The following DCAF5 variants were observed in gnomAD, a reference collection of about 807,000 sequenced individuals.
DCAF5 encodes the protein DDB1 and CUL4 associated factor 5, also known as DDB1- and CUL4-associated factor 5.
In DCAF5, 9 loss-of-function variants were observed where a neutral mutation model predicts 80.7. That is an observed-to-expected ratio of 0.11 (90% CI 0.07 to 0.19). The LOEUF (loss-of-function observed/expected upper bound fraction) is 0.19, where lower values mean the gene tolerates loss of function less well. Among genes scored for constraint, DCAF5 ranks in the 10% least tolerant of loss-of-function variants. DCAF5 has a pLI of 1.00. For synonymous variants in DCAF5, 433 were observed against 461.9 expected, an observed-to-expected ratio of 0.94 and a Z score of 0.80; for missense variants, 842 against 1,205.7, an observed-to-expected ratio of 0.70 and a Z score of 4.47.
At chr14:69,134,303 GA>G (rs2041127441) in intron 1 of DCAF5, among the ~76,000 whole-genome samples, 2 of 152,152 alleles carry the variant, frequency 1.3e-5, no homozygotes, top group African/African-American at 2.4e-5. Flanking sequence ...AGGTGTACTA[GA>G]AAAAAACAAC....
At chr14:69,127,245 C>T (rs545709324) in intron 1 of DCAF5, among the ~76,000 whole-genome samples, 184 of 152,296 alleles carry the variant, frequency 1.2e-3, no homozygotes, top group African/African-American at 4.2e-3. Flanking sequence ...CCAAGATGTC[C>T]TTCAGTATGT....
chr14:69,106,487 G>A (rs889077245), intron 5 of DCAF5, among the ~76,000 whole-genome samples: 6 of 152,082 alleles, frequency 3.9e-5, no homozygotes, highest in Admixed American at 2.0e-4. Context: ...TCCTGCCTCA[G>A]CCTCTCCAGT....
At chr14:69,084,444 C>A in intron 6 of DCAF5, 1 of 850,770 alleles carries the variant, frequency 1.2e-6, no homozygotes, top group Non-Finnish European at 2.0e-6. Context: ...CTTTTGCCAA[C>A]ACGTAGACAG....
intron 1 of DCAF5, among the ~76,000 whole-genome samples, chr14:69,137,491 A>C (rs2041230535): frequency 6.6e-6 from 1 of 152,192 alleles, no homozygotes; most frequent in Non-Finnish European, 1.5e-5. Flanking sequence ...GGACTTTTGC[A>C]AAATTCCTTG....
At chr14:69,114,859 T>C (rs1473442749) in intron 5 of DCAF5, among the ~76,000 whole-genome samples, 4 of 152,080 alleles carry the variant, frequency 2.6e-5, no homozygotes, top group Non-Finnish European at 1.5e-5. Flanking sequence ...TGGAAGAGAA[T>C]GGGAGAGAAT....
chr14:69,115,341 C>A (rs1449298584), intron 5 of DCAF5, among the ~76,000 whole-genome samples: 2 of 152,184 alleles, frequency 1.3e-5, no homozygotes, highest in African/African-American at 2.4e-5. Flanking sequence ...CACCGATCTG[C>A]TACAATAGTT....
intron 5 of DCAF5, among the ~76,000 whole-genome samples, chr14:69,104,146 T>C (rs1379293192): frequency 1.3e-5 from 2 of 152,240 alleles, no homozygotes; most frequent in Non-Finnish European, 2.9e-5. Context: ...GGTAAGCTCA[T>C]CTTTAATATA....
rs935746804 is a variant in DCAF5, at chr14:69,055,254, C to T, written c.1432G>A (p.Asp478Asn). The T allele has an allele frequency of 1.5e-5, 24 of 1,614,162 alleles. No individual in the cohort carries two copies. Among genetic ancestry groups the T allele is most frequent in the East Asian group, 4.5e-5 (2 of 44,880 alleles). ...SPPPTVDESA[D>N]NAFHLGPLRV... The stretch of plus-strand genomic sequence containing the variant: ...AGGGGCCCCAGGTGGAAGGCGTTGT[C>T]GGCAGACTCATCTACTGTGGGAGGC... Residue 478 changes from aspartate to asparagine, a missense_variant, in exon 9 of 9, where the codon GAC (aspartate) becomes AAC (asparagine). Asp to Asn is a conservative substitution (Grantham distance 23). Around this residue, in one of 5 missense-constraint regions of DCAF5, gnomAD observed 607 missense variants for 656.6 expected, o/e 0.92. Transcript: ENST00000341516. This position sits in a 1 kb window ranked among gnomAD's most constrained non-coding sequence, Gnocchi z 5.6.
intron 5 of DCAF5, among the ~76,000 whole-genome samples, chr14:69,105,340 C>T (rs1477152931): frequency 6.6e-6 from 1 of 152,118 alleles, no homozygotes; most frequent in African/African-American, 2.4e-5. Flanking sequence ...GAATGAGACA[C>T]TAATACATGT....
chr14:69,054,707 A>G lies in DCAF5; in HGVS notation c.1979T>C (p.Ile660Thr). 1 of 1,614,096 alleles carries G rather than the reference A, an allele frequency of 6.2e-7. No individual in the cohort carries two copies. The highest frequency in any genetic ancestry group is 8.5e-7 in the Non-Finnish European group (1 of 1,180,012). Residue 660 changes from isoleucine to threonine, a missense_variant, in exon 9 of 9, where the codon ATT becomes ACT. By Grantham distance (89) the Ile-to-Thr change is moderately conservative (BLOSUM62 -1). Transcript: ENST00000341516. ...TSDIESVERK[I>T]YKAYKWLRYS... is the part of the protein sequence containing the mutation. ...GCGGAGCCACTTGTAAGCTTTATAA[A>G]TTTTTCGCTCAACTGATTCTATGTC... is the stretch of plus-strand genomic sequence containing the variant.
rs1243003340 is a variant in DCAF5 at position 69,055,643 on chromosome 14, G to A, written c.1075-32C>T. ...AGAAAATGAAAAACAAAAGCAACAA[G>A]GAGTAACTGGAAAGTATTCTTTCAC... On this transcript the variant is annotated intron_variant, in intron 8 of 8. Transcript: ENST00000341516. The surrounding 1 kb of genome is among the most constrained non-coding windows in gnomAD (Gnocchi z 5.6). 6.4e-7 allele frequency: 1 copy of A among 1,562,428 alleles called. No individual in the cohort carries two copies. The highest frequency in any genetic ancestry group is 2.3e-5 in the East Asian group (1 of 44,052).
chr14:69,081,837 A>G (rs2039116483), intron 6 of DCAF5, among the ~76,000 whole-genome samples: 2 of 152,208 alleles, frequency 1.3e-5, no homozygotes, highest in Non-Finnish European at 1.5e-5. Flanking sequence ...GAAGAAGGAA[A>G]CATATCAATC....
intron 7 of DCAF5, among the ~76,000 whole-genome samples, chr14:69,066,816 A>T (rs142115865): frequency 4.9e-4 from 75 of 152,316 alleles, no homozygotes; most frequent in African/African-American, 1.7e-3. Flanking sequence ...AGGCCTTTGA[A>T]GAGCCAGAAT....
intron 6 of DCAF5, among the ~76,000 whole-genome samples, chr14:69,078,421 T>C (rs1228527512): frequency 6.6e-6 from 1 of 152,166 alleles, no homozygotes; most frequent in Non-Finnish European, 1.5e-5. Context: ...AAGATAGAAT[T>C]ATCATATGAT....
chr14:69,073,164 G>A (rs2038766615), intron 7 of DCAF5, among the ~76,000 whole-genome samples: 1 of 152,172 alleles, frequency 6.6e-6, no homozygotes, highest in African/African-American at 2.4e-5. Flanking sequence ...TACAGCAGAG[G>A]AATTGACATA....
chr14:69,102,895 C>T (rs866673567), intron 5 of DCAF5, among the ~76,000 whole-genome samples: 4 of 152,128 alleles, frequency 2.6e-5, no homozygotes, highest in South Asian at 4.1e-4. Flanking sequence ...TCAAGTGTTA[C>T]GTACTGTACA....
At chr14:69,067,017 G>A (rs2038469602) in intron 7 of DCAF5, among the ~76,000 whole-genome samples, 3 of 152,140 alleles carry the variant, frequency 2.0e-5, no homozygotes, top group South Asian at 2.1e-4. Context: ...ACCACTTCCC[G>A]TCTTCCTCTG....
chr14:69,150,886 C>A (rs934642852), intron 1 of DCAF5, among the ~76,000 whole-genome samples: 2 of 152,066 alleles, frequency 1.3e-5, no homozygotes, highest in African/African-American at 4.8e-5. Flanking sequence ...CAGAGTGATA[C>A]CCTGTCTCAA....
At chr14:69,123,579 T>C (rs2040790201) in intron 1 of DCAF5, among the ~76,000 whole-genome samples, 1 of 152,238 alleles carries the variant, frequency 6.6e-6, no homozygotes, top group Non-Finnish European at 1.5e-5. Context: ...TCAGTGGCAT[T>C]AAGTACATTT....
Sources: gnomAD v4.1 joint callset for allele counts (sites outside exome capture counted in the v4.1 genomes callset) on GRCh38, gnomAD v4.1.1 for gene constraint, gnomAD v4.1.1 regional missense constraint, Gnocchi (gnomAD v3.1) non-coding constraint, MANE v1.5 for transcripts, NCBI Gene and HGNC (gene_info 2026-07-23, HGNC 2026-07-21) for gene names.